Variants in EVPL observed in about 807,000 individuals in gnomAD.
The protein encoded by EVPL is 210 kDa cornified envelope precursor protein.
In EVPL, 94 loss-of-function variants were observed where a neutral mutation model predicts 129.7. The ratio of observed to expected loss-of-function variants is 0.72; its 90% CI spans 0.61 to 0.86. The LOEUF is 0.86. Ranked by LOEUF, EVPL falls within the 40% of genes least tolerant of loss-of-function variation. The pLI, the probability that EVPL is intolerant of heterozygous loss-of-function variation, is 0.00. For missense variants in EVPL, 2,625 were observed against 2,721.1 expected (o/e 0.96, Z 0.79); for synonymous variants, 1,172 against 1,191.1 (o/e 0.98, Z 0.33).
rs535924649 is a variant in EVPL, at chr17:76,013,667, G to A, written c.2373+759C>T. Reference sequence around the variant, plus strand: ...TCTCCATCTCAGATCTGCCCACCTCGCCCTGTGCCATGGTCCCTTCCCCGG... The same window carrying A: ...TCTCCATCTCAGATCTGCCCACCTCACCCTGTGCCATGGTCCCTTCCCCGG... On this transcript the variant is annotated intron_variant, in intron 18 of 21. Coordinates refer to ENST00000301607, the MANE Select transcript of EVPL (RefSeq NM_001988.4). This position sits in a 1 kb window ranked among gnomAD's most constrained non-coding sequence, Gnocchi z 4.3. 3.9e-5 allele frequency among the ~76,000 whole-genome samples: 6 copies of A among 152,134 alleles called. No homozygotes were observed. Among genetic ancestry groups the A allele is most frequent in the African/African-American group, 7.2e-5 (3 of 41,504 alleles).
At chr17:76,012,195 G>C (rs970007298) in intron 18 of EVPL, 106 bp from the exon 19 acceptor site, 11 of 763,698 alleles carry the variant, frequency 1.4e-5, no homozygotes, top group African/African-American at 1.4e-4. Flanking sequence ...TGCCTCCCAG[G>C]GACAAGAAAG....
chr17:76,026,171 C>A (rs1196750928), intron 1 of EVPL, among the ~76,000 whole-genome samples: 1 of 151,088 alleles, frequency 6.6e-6, no homozygotes, highest in Non-Finnish European at 1.5e-5. Context: ...CTCGAACTCC[C>A]GGGCTCAAGT....
chr17:76,020,176 C>G (rs111954206), intron 9 of EVPL, among the ~76,000 whole-genome samples: 81 of 151,114 alleles, frequency 5.4e-4, no homozygotes, highest in Middle Eastern at 3.4e-3. Flanking sequence ...CCAGATAAAC[C>G]TAAACCAGCT....
chr17:76,010,133 C>T lies in EVPL; in HGVS notation c.3072G>A (p.Arg1024=), dbSNP rs1476148993. Residue 1024 remains arginine, a synonymous_variant, in exon 22 of 22, where the codon AGG becomes AGA. Transcript: ENST00000301607. ...CCGCCTGGCTGTCCAGGCCGGGGTC[C>T]CTCTCCACCTGGGTGACCTCCTTGG... ...LLTKEVTQVE[R]DPGLDSQAAQ... is the part of the protein sequence containing the mutation. The T allele has an allele frequency of 6.2e-7, 1 of 1,614,078 alleles. No homozygotes were observed. Among genetic ancestry groups the T allele is most frequent in the South Asian group, 1.1e-5 (1 of 91,080 alleles).
At chr17:76,026,798 G>C (rs1254184094) in intron 1 of EVPL, among the ~76,000 whole-genome samples, 1 of 152,212 alleles carries the variant, frequency 6.6e-6, no homozygotes, top group African/African-American at 2.4e-5. Flanking sequence ...CTCCGTGCAG[G>C]CTCCTGTCCA....
intron 1 of EVPL, among the ~76,000 whole-genome samples, chr17:76,025,199 T>C (rs1414930089): frequency 1.3e-5 from 2 of 152,226 alleles, no homozygotes; most frequent in Middle Eastern, 3.2e-3. Context: ...TTAGGGCTAT[T>C]GTGAGCATTA....
chr17:76,007,375 GCCC>G lies in EVPL; in HGVS notation c.5827_5829del (p.Gly1943del), dbSNP rs756303950. Reference sequence around the variant, plus strand: ...CGGCCTGTCCTCTTGGGGTCGATGAGCCCCCCGGTCAGGTGCTGCACCTGCAGG... The same window carrying G: ...CGGCCTGTCCTCTTGGGGTCGATGAGCCCGGTCAGGTGCTGCACCTGCAGG... On this transcript the variant is annotated inframe_deletion, in exon 22 of 22. Transcript: ENST00000301607. The surrounding 1 kb of genome is among the most constrained non-coding windows in gnomAD (Gnocchi z 8.8). The G allele has an allele frequency of 5.0e-6, 8 of 1,596,556 alleles. No homozygotes were observed. The South Asian group carries it at 6.7e-5, about 13-fold the overall frequency.
In EVPL at chr17:76,007,237, G is replaced by A. The variant is rs140726801; in HGVS notation, c.5968C>T (p.Arg1990Trp). ...CCCATGGCCTCCTTGTAGCTCAGCC[G>A]TTCCTTGGAGATGGGGTCTGTCAAA... ...KDLTDPISKE[R>W]LSYKEAMGRC... Residue 1990 changes from arginine (R) to tryptophan (W), a missense_variant, in exon 22 of 22, where the codon CGG (arginine) becomes TGG (tryptophan). By Grantham distance (101) the Arg-to-Trp change is moderately radical. Coordinates refer to ENST00000301607, the MANE Select transcript of EVPL (RefSeq NM_001988.4). This position sits in a 1 kb window ranked among gnomAD's most constrained non-coding sequence, Gnocchi z 8.8. The A allele has an allele frequency of 2.0e-4, 309 of 1,569,856 alleles. No homozygotes were observed. The highest frequency in any genetic ancestry group is 7.4e-4 in the East Asian group (33 of 44,424).
Position 76,010,327 on chromosome 17 carries a change from C to T in EVPL, c.2878G>A (p.Val960Ile). The change falls in exon 22 of 22, where the codon GTA becomes ATA. Residue 960 changes from valine to isoleucine, a missense_variant. By Grantham distance (29) the Val-to-Ile change is conservative (BLOSUM62 3). This residue lies in a region of EVPL where 1,453 missense variants were observed against 1,511.8 expected (regional missense o/e 0.96). Coordinates refer to ENST00000301607, the MANE Select transcript of EVPL (RefSeq NM_001988.4). ...PLERLEEKEVVEFYRDPQLEG... is the reference protein window; with the variant it reads ...PLERLEEKEVIEFYRDPQLEG... ...AGCTGGGGGTCCCGGTAGAACTCTA[C>T]CACTTCCTTCTCCTCCAGCCTCTCC... The T allele has an allele frequency of 6.2e-7, 1 of 1,613,934 alleles. No individual in the cohort carries two copies. Among genetic ancestry groups the T allele is most frequent in the Non-Finnish European group, 8.5e-7 (1 of 1,180,022 alleles).
intron 18 of EVPL, among the ~76,000 whole-genome samples, chr17:76,014,211 T>C (rs908964308): frequency 6.6e-6 from 1 of 152,204 alleles, no homozygotes; most frequent in Non-Finnish European, 1.5e-5. Flanking sequence ...CCCTCAGGGC[T>C]CTGTGGCCTG....
At chr17:76,015,784 G>A (rs1207254700) in intron 14 of EVPL, among the ~76,000 whole-genome samples, 156 bp from the exon 15 acceptor site, 1 of 152,192 alleles carries the variant, frequency 6.6e-6, no homozygotes, top group African/African-American at 2.4e-5. Context: ...GGCGCTACTC[G>A]TTCCTCTGTG....
In EVPL at chr17:76,023,745, C is replaced by A. The variant is rs574781322; in HGVS notation, c.199-91G>T. On this transcript the variant is annotated intron_variant, in intron 2 of 21. Coordinates refer to ENST00000301607, the MANE Select transcript of EVPL (RefSeq NM_001988.4). The stretch of plus-strand genomic sequence containing the variant: ...GTGGGCCTGAGCCCCAACTTTGGGA[C>A]CCCAGCTATGCTAGCCAACCTTGAG... 6 of 1,451,178 alleles carry A rather than the reference C, an allele frequency of 4.1e-6. No homozygotes were observed. In the African/African-American group the frequency reaches 7.1e-5, roughly 17 times the overall value. 89.9% of individuals were successfully genotyped at this position (1,451,178 alleles called of 1,614,324 possible). A position where few individuals can be genotyped will look rare whatever the true frequency, so the allele number is the denominator to read the frequency against.
Position 76,010,299 on chromosome 17 carries a change from T to C in EVPL, c.2906A>G (p.Glu969Gly), listed in dbSNP as rs1598232628. ...GGCCTTCACCCTGGACAGGCTGCCC[T>C]CCAGCTGGGGGTCCCGGTAGAACTC... ...VVEFYRDPQL[E>G]GSLSRVKAQV... The change falls in exon 22 of 22, where the codon GAG becomes GGG. Residue 969 changes from glutamate (E) to glycine (G), a missense_variant. By Grantham distance (98) the Glu-to-Gly change is moderately conservative. Around this residue, in one of 4 missense-constraint regions of EVPL, gnomAD observed 1,453 missense variants for 1,511.8 expected, o/e 0.96. Coordinates refer to ENST00000301607, the MANE Select transcript of EVPL (RefSeq NM_001988.4). 1 of 1,613,892 alleles carries C rather than the reference T, an allele frequency of 6.2e-7. No individual in the cohort carries two copies. Among genetic ancestry groups the C allele is most frequent in the Non-Finnish European group, 8.5e-7 (1 of 1,180,004 alleles).
chr17:76,008,132 G>A lies in EVPL; in HGVS notation c.5073C>T (p.Pro1691=). ...NLSTKISILE[P]ETGKDMSPYE... ...ATGGGGACATGTCCTTCCCCGTCTC[G>A]GGTTCCAGGATGGAGATCTTGGTGG... is the stretch of plus-strand genomic sequence containing the variant. Residue 1691 remains proline, a synonymous_variant, in exon 22 of 22, where the codon CCC becomes CCT. Transcript: ENST00000301607. This position sits in a 1 kb window ranked among gnomAD's most constrained non-coding sequence, Gnocchi z 7.4. The A allele has an allele frequency of 6.8e-6, 11 of 1,614,168 alleles. No homozygotes were observed. The highest frequency in any genetic ancestry group is 1.3e-5 in the African/African-American group (1 of 75,044).
In EVPL at chr17:76,015,545, G is replaced by C. The variant is rs762320926; in HGVS notation, c.1794C>G (p.Pro598=). 6.2e-7 allele frequency: 1 copy of C among 1,612,946 alleles called. No individual in the cohort carries two copies. The highest frequency in any genetic ancestry group is 1.1e-5 in the South Asian group (1 of 91,082). Residue 598 remains proline, a synonymous_variant, in exon 15 of 22, where the codon CCC becomes CCG. Transcript: ENST00000301607. ...GCAGCTGCAGGGCAGCGGGGCCCAC[G>C]GGCCGCGTGGACAGAAACGCCTCGC... The part of the protein sequence containing the change: ...KECEAFLSTR[P]VGPAALQLPV...
At position 76,008,256 on chromosome 17, in the gene EVPL, TC is replaced by T. The variant is rs1248634402; in HGVS notation, c.4948del (p.Asp1650ThrfsTer17). The T allele has an allele frequency of 2.5e-6, 4 of 1,613,292 alleles. No individual in the cohort carries two copies. Among genetic ancestry groups the T allele is most frequent in the Middle Eastern group, 3.3e-4 (2 of 6,062 alleles). On this transcript the variant is annotated frameshift_variant, in exon 22 of 22. Coordinates refer to ENST00000301607, the MANE Select transcript of EVPL (RefSeq NM_001988.4). LOFTEE classifies it high-confidence loss of function. The surrounding 1 kb of genome is among the most constrained non-coding windows in gnomAD (Gnocchi z 7.4). Reference sequence around the variant, plus strand: ...CGTCCGCTCCTTCTCGTAGATCTGGTCCTTCTCGCGGAGGATGGCCGCCTCC... The same window carrying T: ...CGTCCGCTCCTTCTCGTAGATCTGGTCTTCTCGCGGAGGATGGCCGCCTCC... ...RLEAAILREK[D>X]QIYEKERTLR...
Position 76,021,596 on chromosome 17 carries a change from G to GCCCC in EVPL, c.916-37_916-34dup, listed in dbSNP as rs200115767. ...CGGCAGCATGGAGCCCTCGGACCAC[G>GCCCC]CCCCCCCCACGTCCGCCCCACCTCC... On this transcript the variant is annotated intron_variant, in intron 8 of 21. Transcript: ENST00000301607. 3.2e-4 allele frequency: 443 copies of GCCCC among 1,378,212 alleles called. No homozygotes were observed. In the East Asian group the frequency reaches 4.3e-3, roughly 13 times the overall value. 85.4% of individuals were successfully genotyped at this position (1,378,212 alleles called of 1,614,324 possible).
chr17:76,018,682 A>C, intron 11 of EVPL, 82 bp from the exon 12 acceptor site: 1 of 1,444,550 alleles, frequency 6.9e-7, no homozygotes, highest in Non-Finnish European at 9.3e-7. Context: ...CTGGGGACAG[A>C]GACAAATGGG....
chr17:76,027,306 C>T lies in EVPL; in HGVS notation c.-108G>A, dbSNP rs1034268608. ...TCACTGGCTGGTCAGCTAAGTCTGGCGAGGTGGGGCGGCTGGGCACTGGGG... is the reference window on the plus strand; with the variant it reads ...TCACTGGCTGGTCAGCTAAGTCTGGTGAGGTGGGGCGGCTGGGCACTGGGG... On this transcript the variant is annotated 5_prime_UTR_variant, in exon 1 of 22. Coordinates refer to ENST00000301607, the MANE Select transcript of EVPL (RefSeq NM_001988.4). 9 of 808,000 alleles carry T rather than the reference C, an allele frequency of 1.1e-5. No individual in the cohort carries two copies. Among genetic ancestry groups the T allele is most frequent in the East Asian group, 7.6e-5 (3 of 39,258 alleles). 50.1% of individuals were successfully genotyped at this position (808,000 alleles called of 1,614,324 possible).
Sources: allele counts gnomAD v4.1 joint callset (sites outside exome capture counted in the v4.1 genomes callset), GRCh38; gene constraint gnomAD v4.1.1; regional missense constraint gnomAD v4.1.1; non-coding constraint Gnocchi (gnomAD v3.1); transcripts MANE v1.5; gene names NCBI Gene and HGNC (gene_info 2026-07-23, HGNC 2026-07-21).